Variants in ADAMTS20 observed in about 807,000 individuals in gnomAD.
ADAMTS20 encodes the protein A disintegrin and metalloproteinase with thrombospondin motifs 20.
ADAMTS20 carries 225 observed loss-of-function variants against 260.1 expected under a neutral mutation model. That is an observed-to-expected ratio of 0.87 (90% CI 0.78 to 0.97). The LOEUF is 0.97. Ranked by LOEUF, ADAMTS20 falls within the 50% of genes least tolerant of loss-of-function variation. The pLI is 0.00. For missense variants in ADAMTS20, 2,400 were observed against 2,337.7 expected (o/e 1.03, Z -0.55); for synonymous variants, 802 against 769.5 (o/e 1.04, Z -0.70).
intron 7 of ADAMTS20, among the ~76,000 whole-genome samples, chr12:43,472,658 C>A (rs924588136): frequency 2.8e-4 from 39 of 138,238 alleles, no homozygotes; most frequent in Non-Finnish European, 5.8e-4. Flanking sequence ...CCCTACAAGC[C>A]AGAAGAGAGT....
At chr12:43,358,320 C>T (rs570693976) in intron 37 of ADAMTS20, among the ~76,000 whole-genome samples, 103 of 152,286 alleles carry the variant, frequency 6.8e-4, no homozygotes, top group African/African-American at 2.3e-3. Flanking sequence ...TACTAATTTT[C>T]ATGAGCTTTA....
rs986182828 is a variant in ADAMTS20 at position 43,452,543 on chromosome 12, T to G, written c.1913A>C (p.Asn638Thr). Residue 638 changes from asparagine to threonine, a missense_variant, in exon 13 of 39, where the codon AAT becomes ACT. Asn to Thr is a moderately conservative substitution (Grantham distance 65, BLOSUM62 0). Transcript: ENST00000389420. ...ACTGTATCTTGGAAGCCACCTCACATTAGAGGGAATGCCACTGATGTCCAA... is the reference window on the plus strand; with the variant it reads ...ACTGTATCTTGGAAGCCACCTCACAGTAGAGGGAATGCCACTGATGTCCAA... ...KHLDISGIPS[N>T]VRWLPRYSGI... 2 of 1,613,354 alleles carry G rather than the reference T, an allele frequency of 1.2e-6. No homozygotes were observed. The highest frequency in any genetic ancestry group is 2.7e-5 in the African/African-American group (2 of 75,032).
intron 28 of ADAMTS20, among the ~76,000 whole-genome samples, chr12:43,409,590 A>G (rs1940988349): frequency 8.9e-6 from 1 of 112,446 alleles, no homozygotes; most frequent in African/African-American, 3.8e-5. Context: ...CGACAGAGCG[A>G]GACTCCGTCT....
At chr12:43,486,361 A>G (rs1942523087) in intron 7 of ADAMTS20, among the ~76,000 whole-genome samples, 1 of 152,216 alleles carries the variant, frequency 6.6e-6, no homozygotes, top group African/African-American at 2.4e-5. Flanking sequence ...GTGGTGGGAA[A>G]GTTGGATAGC....
chr12:43,498,274 G>A (rs61926790), intron 4 of ADAMTS20, among the ~76,000 whole-genome samples: 2,430 of 152,256 alleles, frequency 0.016, 34 homozygotes, highest in Non-Finnish European at 0.026. Flanking sequence ...CAATATCACT[G>A]CACTCAGGTA....
At chr12:43,435,717 C>T (rs1324992432) in intron 18 of ADAMTS20, among the ~76,000 whole-genome samples, 1 of 136,392 alleles carries the variant, frequency 7.3e-6, no homozygotes, top group Non-Finnish European at 1.6e-5. Context: ...AACATGGATA[C>T]AGATACCAAG....
intron 3 of ADAMTS20, 110 bp downstream of exon 3, chr12:43,531,922 AAATT>A (rs1176436394): frequency 4.0e-6 from 3 of 756,436 alleles, no homozygotes; most frequent in Admixed American, 8.9e-5. Flanking sequence ...TGAATTTAAA[AAATT>A]AATTAAAAAT....
chr12:43,528,365 A>C (rs1029418392), intron 3 of ADAMTS20, among the ~76,000 whole-genome samples: 2 of 148,414 alleles, frequency 1.3e-5, no homozygotes, highest in Non-Finnish European at 3.0e-5. Flanking sequence ...AAAAAAAAAA[A>C]AAAAAAAAAC....
chr12:43,392,948 A>G (rs574391981), intron 29 of ADAMTS20, among the ~76,000 whole-genome samples: 1 of 152,226 alleles, frequency 6.6e-6, no homozygotes, highest in South Asian at 2.1e-4. Context: ...TCTAAATGTT[A>G]TCTCCAGCTT....
intron 31 of ADAMTS20, among the ~76,000 whole-genome samples, chr12:43,378,789 G>C (rs1056028122): frequency 2.0e-5 from 3 of 152,180 alleles, no homozygotes; most frequent in African/African-American, 7.2e-5. Flanking sequence ...TGTGAAAATG[G>C]AAGAGTAAGG....
intron 37 of ADAMTS20, among the ~76,000 whole-genome samples, chr12:43,365,245 G>A (rs1012673769): frequency 6.6e-6 from 1 of 151,930 alleles, no homozygotes; most frequent in African/African-American, 2.4e-5. Flanking sequence ...TACTTTACAA[G>A]ACATACTAAA....
At chr12:43,412,478 T>A (rs1941049900) in intron 28 of ADAMTS20, among the ~76,000 whole-genome samples, 1 of 152,210 alleles carries the variant, frequency 6.6e-6, no homozygotes, top group Non-Finnish European at 1.5e-5. Context: ...ATGTAATAGA[T>A]CTCTTTTTCA....
At chr12:43,440,694 C>T (rs1045533167) in intron 16 of ADAMTS20, among the ~76,000 whole-genome samples, 2 of 152,004 alleles carry the variant, frequency 1.3e-5, no homozygotes, top group African/African-American at 2.4e-5. Flanking sequence ...AAGTCATGAC[C>T]CCAGCAGACA....
At chr12:43,460,848 C>T (rs573025918) in intron 11 of ADAMTS20, among the ~76,000 whole-genome samples, 5 of 150,160 alleles carry the variant, frequency 3.3e-5, no homozygotes, top group Middle Eastern at 7.0e-3. Context: ...AAAAAGATGA[C>T]GCTGTATAGT....
intron 3 of ADAMTS20, among the ~76,000 whole-genome samples, chr12:43,523,402 A>G (rs1285741604): frequency 6.6e-6 from 1 of 152,124 alleles, no homozygotes. Context: ...AAAAGCTCCC[A>G]AATGAATTTT....
chr12:43,431,357 G>A lies in ADAMTS20; in HGVS notation c.3236C>T (p.Ser1079Phe). The change falls in exon 22 of 39, where the codon TCC (serine) becomes TTC (phenylalanine). Residue 1079 changes from serine to phenylalanine, a missense_variant. Physicochemically the swap from Ser to Phe is radical, Grantham distance 155 (BLOSUM62 -2). Transcript: ENST00000389420. ...LSPCELHTCA[S>F]WQVGPWGPCT... The stretch of plus-strand genomic sequence containing the variant: ...AGGACCCCATGGTCCTACTTGCCAG[G>A]AAGCACATGTATGAAGTTCACATGG... The A allele has an allele frequency of 6.2e-7, 1 of 1,613,840 alleles. No homozygotes were observed.
At chr12:43,542,494 T>C (rs913972097) in intron 2 of ADAMTS20, among the ~76,000 whole-genome samples, 18 of 127,094 alleles carry the variant, frequency 1.4e-4, no homozygotes, top group African/African-American at 4.9e-4. Context: ...ACTCTTCAAT[T>C]ATCATTTGGG....
intron 3 of ADAMTS20, among the ~76,000 whole-genome samples, chr12:43,518,994 TACTGCAGTACCTC>T (rs905697557): frequency 3.3e-5 from 5 of 152,100 alleles, no homozygotes; most frequent in Non-Finnish European, 7.4e-5. Context: ...TATTGCAGTA[TACTGCAGTACCTC>T]CTAATTGATT....
At chr12:43,421,506 TTAAG>T (rs1434305848) in intron 28 of ADAMTS20, among the ~76,000 whole-genome samples, 5 of 152,030 alleles carry the variant, frequency 3.3e-5, no homozygotes, top group African/African-American at 1.2e-4. Flanking sequence ...GTGAGAAAAT[TTAAG>T]TAATATGAAT....
Sources: allele counts gnomAD v4.1 joint callset (sites outside exome capture counted in the v4.1 genomes callset), GRCh38; gene constraint gnomAD v4.1.1; transcripts MANE v1.5; gene names NCBI Gene and HGNC (gene_info 2026-07-23, HGNC 2026-07-21).